The following DDX60L variants were observed in gnomAD, a reference collection of about 807,000 sequenced individuals.
DDX60L encodes the protein probable ATP-dependent RNA helicase DDX60-like.
In DDX60L, 191 loss-of-function variants were observed where a neutral mutation model predicts 211.6. The observed-to-expected ratio is 0.90, with a 90% CI of 0.80 to 1.02. The LOEUF is 1.02. DDX60L is among the 50% of genes least tolerant of loss of function. DDX60L has a pLI of 0.00. For missense variants in DDX60L, 2,007 were observed against 1,984.1 expected (o/e 1.01, Z -0.22); for synonymous variants, 706 against 694.1 (o/e 1.02, Z -0.27).
rs1049927570 is a variant in DDX60L, at chr4:168,364,918, TA to T, written c.4929-3708del. Among the ~76,000 whole-genome samples, 156 of 151,808 alleles carry T rather than the reference TA, an allele frequency of 1.0e-3. 1 individual carries two copies. Among genetic ancestry groups the T allele is most frequent in the Middle Eastern group, 6.8e-3 (2 of 294 alleles). On this transcript the variant is annotated intron_variant, in intron 36 of 37. Transcript: ENST00000682922. The stretch of plus-strand genomic sequence containing the variant: ...TACATGGAAATTAAACAACTACTCT[TA>T]AAAAAAACCCAACAGATCAATAAGC...
intron 22 of DDX60L, among the ~76,000 whole-genome samples, chr4:168,408,407 C>G (rs1387331): frequency 0.94 from 143,437 of 152,262 alleles, 67,580 homozygotes; most frequent in East Asian, 1. Flanking sequence ...TTTTTCATCA[C>G]TTTGTCAACT....
intron 8 of DDX60L, among the ~76,000 whole-genome samples, chr4:168,449,714 T>A (rs1755521204): frequency 8.8e-6 from 1 of 114,152 alleles, no homozygotes; most frequent in Non-Finnish European, 1.8e-5. Flanking sequence ...AGAAAGAGGC[T>A]GAAACTGAAA....
intron 29 of DDX60L, among the ~76,000 whole-genome samples, 168 bp from the exon 30 acceptor site, chr4:168,384,980 C>A (rs566679703): frequency 6.6e-6 from 1 of 152,216 alleles, no homozygotes; most frequent in African/African-American, 2.4e-5. Context: ...TGTGGCTGGG[C>A]AAAAGAGATA....
At chr4:168,383,366 T>C (rs187143666) in intron 30 of DDX60L, among the ~76,000 whole-genome samples, 14 of 152,298 alleles carry the variant, frequency 9.2e-5, no homozygotes, top group African/African-American at 3.4e-4. Flanking sequence ...AAGACAGCTG[T>C]CTGGGACAGA....
chr4:168,430,548 G>C lies in DDX60L; in HGVS notation c.1607C>G (p.Thr536Arg), dbSNP rs368623576. The C allele has an allele frequency of 6.2e-7, 1 of 1,610,930 alleles. No homozygotes were observed. The highest frequency in any genetic ancestry group is 8.5e-7 in the Non-Finnish European group (1 of 1,178,672). Residue 536 changes from threonine to arginine, a missense_variant, in exon 13 of 38, where the codon ACG becomes AGG. Physicochemically the swap from Thr to Arg is moderately conservative, Grantham distance 71 (BLOSUM62 -1). Coordinates refer to ENST00000682922, the MANE Select transcript of DDX60L (RefSeq NM_001012967.3). ...AGTAGTTTGAGTCACAATGACTTTC[G>C]TAGAGATTGATTCTAACGATTTCCC... ...FYGKSLESIS[T>R]KVIVTQTTRP...
Position 168,422,561 on chromosome 4 carries a change from T to G in DDX60L, c.2207A>C (p.Asp736Ala), listed in dbSNP as rs1238018611. The G allele has an allele frequency of 6.2e-7, 1 of 1,613,448 alleles. No homozygotes were observed. Among genetic ancestry groups the G allele is most frequent in the African/African-American group, 1.3e-5 (1 of 75,048 alleles). The change falls in exon 16 of 38, where the codon GAT becomes GCT. Residue 736 changes from aspartate to alanine, a missense_variant. Asp to Ala is a moderately radical substitution (Grantham distance 126). Coordinates refer to ENST00000682922, the MANE Select transcript of DDX60L (RefSeq NM_001012967.3). ...GGGAATAAAATCCTGGACCCTGGGA[T>G]CCCGATCTTTTCTTTCATCTCTTAT... ...YLIRDERKDR[D>A]PRVQDFIPNA...
At position 168,430,645 on chromosome 4, in the gene DDX60L, T is replaced by C. The variant is rs375565154; in HGVS notation, c.1517-7A>G. 1.3e-5 allele frequency: 20 copies of C among 1,518,142 alleles called. No individual in the cohort carries two copies. The African/African-American group carries it at 2.1e-4, about 16-fold the overall frequency. 94.0% of individuals were successfully genotyped at this position (1,518,142 alleles called of 1,614,324 possible). A position where few individuals can be genotyped will look rare whatever the true frequency, so the allele number is the denominator to read the frequency against. ...TGAGGATCTCTAGATTGTTCTGAAA[T>C]AGAAAGACTTAAAATGTAAACATGT... On this transcript the variant is annotated splice_region_variant and splice_polypyrimidine_tract_variant and intron_variant, in intron 12 of 37. Coordinates refer to ENST00000682922, the MANE Select transcript of DDX60L (RefSeq NM_001012967.3).
At chr4:168,371,235 A>G (rs1258552320) in intron 36 of DDX60L, among the ~76,000 whole-genome samples, 1 of 151,060 alleles carries the variant, frequency 6.6e-6, no homozygotes, top group African/African-American at 2.4e-5. Flanking sequence ...GAGAAATGTT[A>G]GTATAATTAA....
At chr4:168,437,020 G>A (rs764049411) in intron 10 of DDX60L, among the ~76,000 whole-genome samples, 6 of 152,264 alleles carry the variant, frequency 3.9e-5, no homozygotes, top group South Asian at 2.1e-4. Context: ...TAAGGGTTCC[G>A]TAGTACATCC....
At chr4:168,439,628 T>C (rs957268176) in intron 10 of DDX60L, among the ~76,000 whole-genome samples, 3 of 152,182 alleles carry the variant, frequency 2.0e-5, no homozygotes, top group Non-Finnish European at 4.4e-5. Context: ...AAAATCAACC[T>C]GTCAGCAGAC....
chr4:168,415,395 C>T lies in DDX60L; in HGVS notation c.2979+13G>A. 2 of 1,574,660 alleles carry T rather than the reference C, an allele frequency of 1.3e-6. No individual in the cohort carries two copies. The highest frequency in any genetic ancestry group is 8.7e-7 in the Non-Finnish European group (1 of 1,154,302). On this transcript the variant is annotated intron_variant, in intron 22 of 37. Transcript: ENST00000682922. ...AAATTCCACTAACAGGACAAATACA[C>T]TTTTATACTTACAATATCTGTCGTT...
intron 10 of DDX60L, among the ~76,000 whole-genome samples, chr4:168,437,642 A>C (rs1382467414): frequency 6.6e-6 from 1 of 152,180 alleles, no homozygotes; most frequent in African/African-American, 2.4e-5. Context: ...TTAATGTTAA[A>C]ATAGAGATTG....
intron 8 of DDX60L, among the ~76,000 whole-genome samples, chr4:168,451,981 C>G (rs1755868611): frequency 6.6e-6 from 1 of 152,202 alleles, no homozygotes. Context: ...GGTTGTATCT[C>G]TTAATCATTC....
At chr4:168,449,632 T>TAAAAAAAAAA (rs1356725381) in intron 8 of DDX60L, among the ~76,000 whole-genome samples, 2 of 5,598 alleles carry the variant, frequency 3.6e-4, no homozygotes, top group African/African-American at 1.3e-3. Context: ...AAAAAAACAT[T>TAAAAAAAAAA]AAAACAAAAA....
chr4:168,470,848 A>G (rs1427376896), intron 4 of DDX60L: 1 of 284,222 alleles, frequency 3.5e-6, no homozygotes, highest in Non-Finnish European at 6.9e-6. Flanking sequence ...CTAAAAAAAA[A>G]AAAAGAAAGT....
intron 27 of DDX60L, chr4:168,395,596 T>C (rs1272724304): frequency 6.0e-6 from 1 of 165,630 alleles, no homozygotes; most frequent in African/African-American, 2.4e-5. Context: ...GTTATATAGG[T>C]CTCTGAAATT....
chr4:168,420,639 C>CGAGATAG (rs760438181), intron 17 of DDX60L, among the ~76,000 whole-genome samples: 135 of 106,688 alleles, frequency 1.3e-3, no homozygotes, highest in African/African-American at 3.8e-3. Context: ...CACACACACA[C>CGAGATAG]ATGAGATAGA....
At chr4:168,478,731 C>T (rs1437499889) in intron 1 of DDX60L, among the ~76,000 whole-genome samples, 1 of 152,092 alleles carries the variant, frequency 6.6e-6, no homozygotes, top group African/African-American at 2.4e-5. Context: ...CACAGGGAGT[C>T]GTCGGAGTCT....
At chr4:168,460,169 C>A (rs1382949186) in intron 5 of DDX60L, among the ~76,000 whole-genome samples, 1 of 152,116 alleles carries the variant, frequency 6.6e-6, no homozygotes, top group Non-Finnish European at 1.5e-5. Flanking sequence ...GAATTCATTT[C>A]AAAATGTGAA....
Sources: allele counts gnomAD v4.1 joint callset (sites outside exome capture counted in the v4.1 genomes callset), GRCh38; gene constraint gnomAD v4.1.1; transcripts MANE v1.5; gene names NCBI Gene and HGNC (gene_info 2026-07-23, HGNC 2026-07-21).